The following NIPBL variants were observed in gnomAD, a reference collection of about 807,000 sequenced individuals.
The protein encoded by NIPBL is nipped-B-like protein.
NIPBL carries 19 observed loss-of-function variants against 321.8 expected under a neutral mutation model. That is an observed-to-expected ratio of 0.06 (90% CI 0.04 to 0.09). NIPBL has a LOEUF of 0.09. Among genes scored for constraint, NIPBL ranks in the 10% least tolerant of loss-of-function variants. NIPBL has a pLI of 1.00. For synonymous variants in NIPBL, 1,106 were observed against 1,114.1 expected (o/e 0.99, Z 0.14); for missense variants, 2,210 against 3,327.0 (o/e 0.66, Z 8.26).
At chr5:36,895,225 G>A (rs1746643949) in intron 1 of NIPBL, among the ~76,000 whole-genome samples, 1 of 152,146 alleles carries the variant, frequency 6.6e-6, no homozygotes, top group African/African-American at 2.4e-5. Context: ...ATTCATATAA[G>A]TGGAATCAAA....
chr5:37,049,561 G>A (rs934419066), intron 40 of NIPBL, among the ~76,000 whole-genome samples: 3 of 152,082 alleles, frequency 2.0e-5, no homozygotes, highest in African/African-American at 7.2e-5. Flanking sequence ...CTAAGTATGG[G>A]TGATATATTT....
At position 37,020,781 on chromosome 5, in the gene NIPBL, C is replaced by T; in HGVS notation, c.5232C>T (p.Asn1744=). 1 of 1,613,752 alleles carries T rather than the reference C, an allele frequency of 6.2e-7. No homozygotes were observed. Among genetic ancestry groups the T allele is most frequent in the South Asian group, 1.1e-5 (1 of 91,066 alleles). Reference sequence around the variant, plus strand: ...TAATGACTTTTTGTTGCAGGATGAACTCTGATACTGTGGACTATGATGATG... The same window carrying T: ...TAATGACTTTTTGTTGCAGGATGAATTCTGATACTGTGGACTATGATGATG... ...TPSQFSTLKM[N]SDTVDYDDAC... The change falls in exon 27 of 47, where the codon AAC becomes AAT. Residue 1744 remains asparagine (N), a synonymous_variant. Coordinates refer to ENST00000282516, the MANE Select transcript of NIPBL (RefSeq NM_133433.4).
At chr5:37,032,071 C>T (rs1360743549) in intron 32 of NIPBL, among the ~76,000 whole-genome samples, 1 of 152,110 alleles carries the variant, frequency 6.6e-6, no homozygotes, top group African/African-American at 2.4e-5. Flanking sequence ...GGCCCTACTC[C>T]AGACTTAATT....
intron 45 of NIPBL, 78 bp from the exon 46 acceptor site, chr5:37,063,712 A>G: frequency 7.0e-7 from 1 of 1,434,304 alleles, no homozygotes; most frequent in Non-Finnish European, 9.6e-7. Context: ...AACTACTGCC[A>G]TAGAAAACAT....
chr5:37,032,432 T>TGTA (rs1554028402), intron 32 of NIPBL, among the ~76,000 whole-genome samples: 320 of 138,884 alleles, frequency 2.3e-3, no homozygotes, highest in Non-Finnish European at 3.3e-3. Flanking sequence ...TGTGTGTGTG[T>TGTA]GTGTGTAGTG....
intron 11 of NIPBL, among the ~76,000 whole-genome samples, chr5:36,997,326 C>T (rs1454113858): frequency 6.6e-6 from 1 of 152,058 alleles, no homozygotes; most frequent in Non-Finnish European, 1.5e-5. Flanking sequence ...GTGACTGCCT[C>T]CATTACTAAA....
chr5:36,879,926 C>T (rs1226071318), intron 1 of NIPBL, among the ~76,000 whole-genome samples: 1 of 151,868 alleles, frequency 6.6e-6, no homozygotes, highest in Non-Finnish European at 1.5e-5. Context: ...AGTTATTCAA[C>T]AATTTGTTTA....
chr5:36,885,280 T>C lies in NIPBL; in HGVS notation c.-80+8102T>C, dbSNP rs532644801. On this transcript the variant is annotated intron_variant, in intron 1 of 46. Coordinates refer to ENST00000282516, the MANE Select transcript of NIPBL (RefSeq NM_133433.4). ...GCTCTGTCCAGCCACCCAGCTATGG[T>C]GCCTGACTGGTCAGCAGTGCAGCCA... 9.9e-6 allele frequency: 5 copies of C among 506,624 alleles called. No individual in the cohort carries two copies. In the East Asian group the frequency reaches 2.7e-4, roughly 27 times the overall value. The allele number at this position is 506,624 out of a possible 1,614,324, so 31.4% of individuals were successfully genotyped here. A position where few individuals can be genotyped will look rare whatever the true frequency, so the allele number is the denominator to read the frequency against.
intron 4 of NIPBL, among the ~76,000 whole-genome samples, chr5:36,960,119 G>C (rs1425082540): frequency 6.6e-6 from 1 of 151,916 alleles, no homozygotes; most frequent in Non-Finnish European, 1.5e-5. Context: ...TGATTTTGGG[G>C]TTGGTAAGTT....
At chr5:36,919,469 G>T (rs1748747786) in intron 1 of NIPBL, among the ~76,000 whole-genome samples, 1 of 151,872 alleles carries the variant, frequency 6.6e-6, no homozygotes, top group African/African-American at 2.4e-5. Flanking sequence ...TAGTGGCTGG[G>T]ACTACCGGCA....
rs528741986 is a variant in NIPBL, at chr5:37,066,277, A to G, written c.*1385A>G. The stretch of plus-strand genomic sequence containing the variant: ...TTAAAAATGTTTTACTTATTTTTAA[A>G]TCACTTTGAAAAAATTGACCTCCAG... On this transcript the variant is annotated 3_prime_UTR_variant, in exon 47 of 47. Coordinates refer to ENST00000282516, the MANE Select transcript of NIPBL (RefSeq NM_133433.4). 1.3e-5 allele frequency: 2 copies of G among 152,294 alleles called. No homozygotes were observed. Among genetic ancestry groups the G allele is most frequent in the East Asian group, 3.9e-4 (2 of 5,190 alleles). The allele number at this position is 152,294 out of a possible 1,614,324, so 9.4% of individuals were successfully genotyped here.
At chr5:37,030,760 C>CT (rs1196942104) in intron 32 of NIPBL, among the ~76,000 whole-genome samples, 86 of 144,500 alleles carry the variant, frequency 6.0e-4, no homozygotes, top group South Asian at 1.7e-3. Flanking sequence ...GTTAGTATAT[C>CT]TTTTTTTTTT....
At chr5:37,007,188 A>C (rs1471298614) in intron 17 of NIPBL, 135 bp from the exon 18 acceptor site, 4 of 701,862 alleles carry the variant, frequency 5.7e-6, no homozygotes, top group Non-Finnish European at 9.6e-6. Flanking sequence ...CTATTTTAAT[A>C]AATAAAAAGC....
At chr5:36,968,552 C>CA (rs553805636) in intron 6 of NIPBL, among the ~76,000 whole-genome samples, 353 of 144,706 alleles carry the variant, frequency 2.4e-3, no homozygotes, top group African/African-American at 7.9e-3. Flanking sequence ...GACTCCGTCT[C>CA]AAAAAAAAAA....
At chr5:36,906,841 G>A (rs1265792382) in intron 1 of NIPBL, among the ~76,000 whole-genome samples, 1 of 152,060 alleles carries the variant, frequency 6.6e-6, no homozygotes, top group Non-Finnish European at 1.5e-5. Context: ...TTCCTCAAGG[G>A]GAATTATTGT....
chr5:37,014,280 T>C (rs1217561866), intron 21 of NIPBL, among the ~76,000 whole-genome samples: 1 of 150,410 alleles, frequency 6.6e-6, no homozygotes, highest in Admixed American at 6.6e-5. Flanking sequence ...AATCTTTAAA[T>C]TTCTGATGAA....
rs1743391467 is a variant in NIPBL at position 36,975,935 on chromosome 5, C to T, written c.1028C>T (p.Ala343Val). 1 of 1,613,722 alleles carries T rather than the reference C, an allele frequency of 6.2e-7. No individual in the cohort carries two copies. The highest frequency in any genetic ancestry group is 1.6e-4 in the Middle Eastern group (1 of 6,062). ...GAAAAAGAGCAGAGTGAGAAAGCGG[C>T]AATGTATGATATAATTAGTTCTCCA... ...KDEKEQSEKA[A>V]MYDIISSPSK... Residue 343 changes from alanine to valine, a missense_variant, in exon 9 of 47, where the codon GCA becomes GTA. Physicochemically the swap from Ala to Val is moderately conservative, Grantham distance 64. This residue lies in a region of NIPBL where 464 missense variants were observed against 529.5 expected (regional missense o/e 0.88). Coordinates refer to ENST00000282516, the MANE Select transcript of NIPBL (RefSeq NM_133433.4).
chr5:36,944,201 C>G (rs918444360), intron 1 of NIPBL, among the ~76,000 whole-genome samples: 7 of 151,884 alleles, frequency 4.6e-5, no homozygotes, highest in African/African-American at 1.7e-4. Flanking sequence ...TGGAATTATT[C>G]AATATGTGGA....
At chr5:36,970,179 A>T (rs529966856) in intron 6 of NIPBL, among the ~76,000 whole-genome samples, 1 of 152,114 alleles carries the variant, frequency 6.6e-6, no homozygotes, top group East Asian at 1.9e-4. Context: ...ATTTGAAGCC[A>T]GGAGTTTGAG....
Sources: allele counts gnomAD v4.1 joint callset (sites outside exome capture counted in the v4.1 genomes callset), GRCh38; gene constraint gnomAD v4.1.1; regional missense constraint gnomAD v4.1.1; transcripts MANE v1.5; gene names NCBI Gene and HGNC (gene_info 2026-07-23, HGNC 2026-07-21).